The following LIX1L variants were observed in gnomAD, a reference collection of about 807,000 sequenced individuals.
LIX1L encodes the protein limb and CNS expressed 1 like.
A neutral mutation model predicts 34.0 loss-of-function variants in LIX1L; 20 were observed. That is an observed-to-expected ratio of 0.59 (90% CI 0.41 to 0.85). The LOEUF (loss-of-function observed/expected upper bound fraction) is 0.85. Ranked by LOEUF, LIX1L falls within the 40% of genes least tolerant of loss-of-function variation. The pLI is 0.00. For synonymous variants in LIX1L, 170 were observed against 187.4 expected, an observed-to-expected ratio of 0.91 and a Z score of 0.76; for missense variants, 397 against 447.0, an observed-to-expected ratio of 0.89 and a Z score of 1.01.
rs587690195 is a variant in LIX1L at position 145,951,989 on chromosome 1, AGCAACTAATTGTGATCC to A, written c.293-4224_293-4208del. ...AATTGGGCAAAGTGGTCAAGAAAAA[AGCAACTAATTGTGATCC>A]GCATTTGAAAATGCTTCTAGACTTA... On this transcript the variant is annotated intron_variant, in intron 1 of 5. Transcript: ENST00000604000. Among the ~76,000 whole-genome samples, 587 of 152,344 alleles carry A rather than the reference AGCAACTAATTGTGATCC, an allele frequency of 3.9e-3. 5 individuals carry two copies. Among genetic ancestry groups the A allele is most frequent in the South Asian group, 0.028 (133 of 4,824 alleles).
Position 145,936,928 on chromosome 1 carries a change from C to G in LIX1L, c.751G>C (p.Glu251Gln). The stretch of plus-strand genomic sequence containing the variant: ...CTTACCTGCCGAGAGCATTGTCGTT[C>G]CCTCATGGCCTTAAGGCTGCCATTC... ...HWNGSLKAMR[E>Q]RQCSRQEVLA... Residue 251 changes from glutamate (E) to glutamine (Q), a missense_variant, in exon 5 of 6, where the codon GAA (glutamate) becomes CAA (glutamine). Physicochemically the swap from Glu to Gln is conservative, Grantham distance 29 (BLOSUM62 2). Coordinates refer to ENST00000604000, the MANE Select transcript of LIX1L (RefSeq NM_153713.3). 1.9e-6 allele frequency: 3 copies of G among 1,613,082 alleles called. No homozygotes were observed. Among genetic ancestry groups the G allele is most frequent in the East Asian group, 2.2e-5 (1 of 44,876 alleles).
intron 1 of LIX1L, among the ~76,000 whole-genome samples, chr1:145,949,445 C>T (rs1012697284): frequency 1.3e-5 from 2 of 152,016 alleles, no homozygotes; most frequent in Non-Finnish European, 2.9e-5. Flanking sequence ...CGGCAGGGAA[C>T]ATGATGAATA....
chr1:145,952,952 C>T (rs1553759986), intron 1 of LIX1L, among the ~76,000 whole-genome samples: 1 of 151,898 alleles, frequency 6.6e-6, no homozygotes, highest in African/African-American at 2.4e-5. Flanking sequence ...CGCTCTATCG[C>T]TGAAGCTAGA....
At chr1:145,942,247 T>C (rs1648948423) in intron 3 of LIX1L, 1 of 153,940 alleles carries the variant, frequency 6.5e-6, no homozygotes, top group Non-Finnish European at 1.4e-5. Context: ...AGTAAATAAA[T>C]TATCCTCCTT....
At position 145,942,866 on chromosome 1, in the gene LIX1L, G is replaced by T; in HGVS notation, c.457-13C>A. 1 of 1,613,490 alleles carries T rather than the reference G, an allele frequency of 6.2e-7. No homozygotes were observed. The highest frequency in any genetic ancestry group is 8.5e-7 in the Non-Finnish European group (1 of 1,179,474). Reference sequence around the variant, plus strand: ...TTGTGGGGCAAAACTAGGCAGGGGAGAAAGAGTGAGAATATGTGTATTTGT... The same window carrying T: ...TTGTGGGGCAAAACTAGGCAGGGGATAAAGAGTGAGAATATGTGTATTTGT... On this transcript the variant is annotated splice_polypyrimidine_tract_variant and intron_variant, in intron 2 of 5. Coordinates refer to ENST00000604000, the MANE Select transcript of LIX1L (RefSeq NM_153713.3).
At chr1:145,946,503 G>T (rs1649116880) in intron 2 of LIX1L, among the ~76,000 whole-genome samples, 1 of 152,092 alleles carries the variant, frequency 6.6e-6, no homozygotes, top group Admixed American at 6.6e-5. Context: ...GGCCTGAAAT[G>T]ACTGAAGTTC....
intron 3 of LIX1L, 46 bp from the exon 4 acceptor site, chr1:145,937,745 T>G: frequency 1.7e-6 from 2 of 1,160,382 alleles, no homozygotes; most frequent in South Asian, 1.2e-5. Flanking sequence ...TCAACCAGGA[T>G]TATCATCTCA....
intron 4 of LIX1L, 58 bp downstream of exon 4, chr1:145,937,546 T>C: frequency 9.9e-7 from 1 of 1,013,024 alleles, no homozygotes; most frequent in Non-Finnish European, 1.6e-6. Flanking sequence ...AGCCATTATA[T>C]ATTACAGTAG....
chr1:145,936,866 A>T (rs782642797), intron 5 of LIX1L, 42 bp downstream of exon 5: 1 of 1,305,228 alleles, frequency 7.7e-7, no homozygotes, highest in Non-Finnish European at 1.1e-6. Flanking sequence ...CCACTGACAG[A>T]TTGTGCTCCC....
intron 3 of LIX1L, among the ~76,000 whole-genome samples, chr1:145,938,034 CAGG>C (rs1648731480): frequency 6.6e-6 from 1 of 151,160 alleles, no homozygotes; most frequent in African/African-American, 2.4e-5. Flanking sequence ...GAGGCTGAGG[CAGG>C]AGAATCACTT....
intron 1 of LIX1L, 52 bp downstream of exon 1, chr1:145,957,584 C>A: frequency 7.1e-7 from 1 of 1,414,108 alleles, no homozygotes. Flanking sequence ...ACTGTGGGAG[C>A]AAGGCTCCCT....
intron 1 of LIX1L, among the ~76,000 whole-genome samples, chr1:145,956,308 G>A (rs1380316829): frequency 6.6e-6 from 1 of 152,112 alleles, no homozygotes; most frequent in African/African-American, 2.4e-5. Context: ...TGTTTTCATA[G>A]GAATTTTTGG....
intron 2 of LIX1L, among the ~76,000 whole-genome samples, chr1:145,944,858 T>A (rs1458650132): frequency 6.6e-6 from 1 of 151,868 alleles, no homozygotes; most frequent in Non-Finnish European, 1.5e-5. Context: ...CAAAACTCCA[T>A]ATCTACCAAA....
intron 2 of LIX1L, among the ~76,000 whole-genome samples, chr1:145,945,848 G>A (rs980126908): frequency 6.6e-6 from 1 of 151,076 alleles, no homozygotes; most frequent in South Asian, 2.1e-4. Context: ...AGCACTTTGG[G>A]AGGCCAAGGC....
chr1:145,945,859 G>A (rs1649085993), intron 2 of LIX1L, among the ~76,000 whole-genome samples: 4 of 151,298 alleles, frequency 2.6e-5, no homozygotes, highest in Middle Eastern at 6.8e-3. Flanking sequence ...AGGCCAAGGC[G>A]GGTGGATTAC....
At chr1:145,947,597 A>G (rs587706859) in intron 2 of LIX1L, 22 bp downstream of exon 2, 1 of 1,612,348 alleles carries the variant, frequency 6.2e-7, no homozygotes, top group Non-Finnish European at 8.5e-7. Flanking sequence ...TACCTTTGCT[A>G]CTGCCACCTC....
Position 145,957,618 on chromosome 1 carries a change from C to T in LIX1L, c.292+18G>A. 6.6e-7 allele frequency: 1 copy of T among 1,505,770 alleles called. No homozygotes were observed. Among genetic ancestry groups the T allele is most frequent in the Admixed American group, 2.3e-5 (1 of 44,124 alleles). The allele number at this position is 1,505,770 out of a possible 1,614,324, so 93.3% of individuals were successfully genotyped here. A position where few individuals can be genotyped will look rare whatever the true frequency, so the allele number is the denominator to read the frequency against. The stretch of plus-strand genomic sequence containing the variant: ...CTTACAGAGGGTGTCGCGCAGGAGG[C>T]CAGACCCGCAGACTCACCTCGGCCA... On this transcript the variant is annotated intron_variant, in intron 1 of 5. Transcript: ENST00000604000.
chr1:145,946,197 GTTC>G (rs1649100975), intron 2 of LIX1L, among the ~76,000 whole-genome samples: 1 of 145,882 alleles, frequency 6.9e-6, no homozygotes, highest in African/African-American at 2.6e-5. Flanking sequence ...AATGACTGAA[GTTC>G]TTTTTTTTTT....
chr1:145,951,270 C>T (rs1234242288), intron 1 of LIX1L, among the ~76,000 whole-genome samples: 3 of 152,146 alleles, frequency 2.0e-5, no homozygotes, highest in South Asian at 2.1e-4. Flanking sequence ...TGGTCTCAAA[C>T]TCCTGACCTT....
Sources: gnomAD v4.1 joint callset for allele counts (sites outside exome capture counted in the v4.1 genomes callset) on GRCh38, gnomAD v4.1.1 for gene constraint, MANE v1.5 for transcripts, NCBI Gene and HGNC (gene_info 2026-07-23, HGNC 2026-07-21) for gene names.